The following KCNQ3 variants were observed in gnomAD, a reference collection of about 807,000 sequenced individuals.
The protein encoded by KCNQ3 is potassium voltage-gated channel subfamily KQT member 3.
KCNQ3 carries 30 observed loss-of-function variants against 92.5 expected under a neutral mutation model. That is an observed-to-expected ratio of 0.32 (90% confidence interval 0.24 to 0.44). The LOEUF is 0.44. Ranked by LOEUF, KCNQ3 falls within the 20% of genes least tolerant of loss-of-function variation. The probability of loss-of-function intolerance (pLI) is 1.00; values close to 1 mark genes in which losing one functional copy is unlikely to be tolerated. For synonymous variants in KCNQ3, 450 were observed against 468.8 expected (o/e 0.96, Z 0.52); for missense variants, 913 against 1,140.3 (o/e 0.80, Z 2.87).
intron 1 of KCNQ3, among the ~76,000 whole-genome samples, chr8:132,297,587 AATT>A (rs1817081951): frequency 6.6e-6 from 1 of 152,208 alleles, no homozygotes; most frequent in Non-Finnish European, 1.5e-5. Flanking sequence ...ATGTACTCTA[AATT>A]ATTTTAAATG....
chr8:132,329,918 G>A (rs1358106528), intron 1 of KCNQ3, among the ~76,000 whole-genome samples: 1 of 152,200 alleles, frequency 6.6e-6, no homozygotes, highest in East Asian at 1.9e-4. Flanking sequence ...GCTGTGTATG[G>A]CAGACCTGGG....
In KCNQ3 at chr8:132,251,835, C is replaced by T. The variant is rs550538259; in HGVS notation, c.387-65654G>A. ...GCTAGTGACAAGCAAACATCCCTCT[C>T]GGAGAATTTTATTTCTATCTGGACC... On this transcript the variant is annotated intron_variant, in intron 1 of 14. Coordinates refer to ENST00000388996, the MANE Select transcript of KCNQ3 (RefSeq NM_004519.4). Among the ~76,000 whole-genome samples the T allele has an allele frequency of 9.2e-5, 14 of 152,314 alleles. No homozygotes were observed. In the South Asian group the frequency reaches 1.7e-3, roughly 18 times the overall value.
chr8:132,251,493 C>A (rs1815407650), intron 1 of KCNQ3, among the ~76,000 whole-genome samples: 1 of 152,178 alleles, frequency 6.6e-6, no homozygotes, highest in Admixed American at 6.5e-5. Flanking sequence ...TTTTACTGAG[C>A]AATGGGATGC....
At position 132,186,082 on chromosome 8, in the gene KCNQ3, C is replaced by A. The variant is rs755683435; in HGVS notation, c.477+9G>T. ...AACCAGAAGCATTTACCCCAGAATG[C>A]AATCTTACCAGTAACAGAAGCCAGT... is the stretch of plus-strand genomic sequence containing the variant. On this transcript the variant is annotated intron_variant, in intron 2 of 14. Transcript: ENST00000388996. The A allele has an allele frequency of 1.2e-6, 2 of 1,604,448 alleles. No individual in the cohort carries two copies. The highest frequency in any genetic ancestry group is 1.7e-6 in the Non-Finnish European group (2 of 1,171,386).
chr8:132,323,174 CTCTG>C (rs1285161551), intron 1 of KCNQ3, among the ~76,000 whole-genome samples: 3 of 152,118 alleles, frequency 2.0e-5, no homozygotes, highest in African/African-American at 7.2e-5. Context: ...GCTCAGTGCC[CTCTG>C]TCTTCTTCCT....
intron 1 of KCNQ3, among the ~76,000 whole-genome samples, chr8:132,322,455 T>C (rs1817922239): frequency 6.6e-6 from 1 of 152,018 alleles, no homozygotes; most frequent in Non-Finnish European, 1.5e-5. Context: ...GAGAAGCCCA[T>C]CTCCTCTCCA....
chr8:132,278,230 C>T lies in KCNQ3; in HGVS notation c.387-92049G>A, dbSNP rs190911570. The T allele has an allele frequency of 7.4e-5, 73 of 984,290 alleles. No homozygotes were observed. In the African/African-American group the frequency reaches 1.3e-3, roughly 17 times the overall value. 61.0% of individuals were successfully genotyped at this position (984,290 alleles called of 1,614,324 possible). A position where few individuals can be genotyped will look rare whatever the true frequency, so the allele number is the denominator to read the frequency against. On this transcript the variant is annotated intron_variant, in intron 1 of 14. Transcript: ENST00000388996. Reference sequence around the variant, plus strand: ...TAAGACCAAAGACAAAATTAGCATACAAAAGTAGAGGCATAAATCTCAATA... The same window carrying T: ...TAAGACCAAAGACAAAATTAGCATATAAAAGTAGAGGCATAAATCTCAATA...
At position 132,124,857 on chromosome 8, in the gene KCNQ3, C is replaced by A. The variant is rs1169733568; in HGVS notation, c.*4405G>T. The A allele has an allele frequency of 6.6e-6, 1 of 152,190 alleles. No homozygotes were observed. The highest frequency in any genetic ancestry group is 2.4e-5 in the African/African-American group (1 of 41,460). The allele number at this position is 152,190 out of a possible 1,614,324, so 9.4% of individuals were successfully genotyped here. ...AGCTATGTGGCATCTTCTGGGAAAG[C>A]ACAGGGGTGGGAGAATCCTGGGGTG... On this transcript the variant is annotated 3_prime_UTR_variant, in exon 15 of 15. Coordinates refer to ENST00000388996, the MANE Select transcript of KCNQ3 (RefSeq NM_004519.4).
chr8:132,337,548 C>A (rs2130676442), intron 1 of KCNQ3, among the ~76,000 whole-genome samples: 1 of 152,154 alleles, frequency 6.6e-6, no homozygotes, highest in Non-Finnish European at 1.5e-5. Context: ...ACTTTAGGGT[C>A]AGCACCCACC....
chr8:132,383,889 C>T (rs1227923153), intron 1 of KCNQ3, among the ~76,000 whole-genome samples: 2 of 152,188 alleles, frequency 1.3e-5, no homozygotes, highest in Non-Finnish European at 2.9e-5. Context: ...GGTAACCTCT[C>T]TGGGTCTCAG....
intron 1 of KCNQ3, among the ~76,000 whole-genome samples, chr8:132,423,003 G>A (rs542496027): frequency 6.6e-6 from 1 of 152,304 alleles, no homozygotes; most frequent in African/African-American, 2.4e-5. Flanking sequence ...GGAGACCTCA[G>A]ATGGCTAGAC....
Position 132,423,511 on chromosome 8 carries a change from G to T in KCNQ3, c.386+56636C>A, listed in dbSNP as rs567816501. 8.5e-5 allele frequency among the ~76,000 whole-genome samples: 13 copies of T among 152,330 alleles called. No homozygotes were observed. In the South Asian group the frequency reaches 2.7e-3, roughly 32 times the overall value. ...GTTTGGCCACTCTATGGCCATAAGA[G>T]ATGGCCACAAAACAGTTACTTAACC... On this transcript the variant is annotated intron_variant, in intron 1 of 14. Coordinates refer to ENST00000388996, the MANE Select transcript of KCNQ3 (RefSeq NM_004519.4).
intron 1 of KCNQ3, among the ~76,000 whole-genome samples, chr8:132,232,349 T>G (rs1173624896): frequency 6.6e-6 from 1 of 152,202 alleles, no homozygotes; most frequent in African/African-American, 2.4e-5. Flanking sequence ...TGTAGGTTGT[T>G]GGACCATTCC....
chr8:132,463,338 C>T (rs1180168414), intron 1 of KCNQ3, among the ~76,000 whole-genome samples: 1 of 152,236 alleles, frequency 6.6e-6, no homozygotes, highest in Non-Finnish European at 1.5e-5. Context: ...AAGGCTGTCA[C>T]TCTAGTTGAG....
At chr8:132,264,076 G>T (rs1815893938) in intron 1 of KCNQ3, among the ~76,000 whole-genome samples, 1 of 152,216 alleles carries the variant, frequency 6.6e-6, no homozygotes, top group Non-Finnish European at 1.5e-5. Context: ...CTGAGGTACA[G>T]TCCAGTGACT....
chr8:132,302,592 G>A (rs1817254289), intron 1 of KCNQ3, among the ~76,000 whole-genome samples: 1 of 152,194 alleles, frequency 6.6e-6, no homozygotes, highest in Admixed American at 6.5e-5. Context: ...ACATAATGAA[G>A]ACATGTGGAT....
At chr8:132,275,656 C>T (rs1051813674) in intron 1 of KCNQ3, among the ~76,000 whole-genome samples, 1 of 151,726 alleles carries the variant, frequency 6.6e-6, no homozygotes, top group East Asian at 1.9e-4. Flanking sequence ...TGGCTCACTG[C>T]AAGCTCCGCC....
intron 9 of KCNQ3, among the ~76,000 whole-genome samples, chr8:132,161,424 T>A (rs1272201067): frequency 3.3e-5 from 5 of 149,932 alleles, no homozygotes; most frequent in African/African-American, 1.2e-4. Flanking sequence ...AGGTCAGGAG[T>A]TTGAGACTAG....
intron 1 of KCNQ3, among the ~76,000 whole-genome samples, chr8:132,300,333 C>T (rs1817176153): frequency 1.3e-5 from 2 of 152,084 alleles, no homozygotes; most frequent in South Asian, 4.1e-4. Flanking sequence ...GACAGGAGTG[C>T]CCTGCACAGG....
Sources: allele counts gnomAD v4.1 joint callset (sites outside exome capture counted in the v4.1 genomes callset), GRCh38; gene constraint gnomAD v4.1.1; transcripts MANE v1.5; gene names NCBI Gene and HGNC (gene_info 2026-07-23, HGNC 2026-07-21).